NEGR1: variants seen among roughly 807,000 people sequenced by gnomAD.
NEGR1 encodes neuronal growth regulator 1.
Under a neutral mutation model 40.9 loss-of-function variants are expected in NEGR1, and 10 were observed. The ratio of observed to expected loss-of-function variants is 0.24; its 90% CI spans 0.15 to 0.42. NEGR1 has a LOEUF of 0.42. Among genes scored for constraint, NEGR1 ranks in the 10% least tolerant of loss-of-function variants. The pLI, the probability that NEGR1 is intolerant of heterozygous loss-of-function variation, is 1.00. For missense variants in NEGR1, 352 were observed against 438.9 expected (o/e 0.80, Z 1.77); for synonymous variants, 185 against 166.8 (o/e 1.11, Z -0.84).
At chr1:71,460,538 A>G (rs911492978) in intron 6 of NEGR1, among the ~76,000 whole-genome samples, 7 of 152,212 alleles carry the variant, frequency 4.6e-5, no homozygotes, top group Admixed American at 2.0e-4. Context: ...GGATCTTAAA[A>G]ACTGCATCTA....
At chr1:72,158,795 A>G (rs2100369147) in intron 1 of NEGR1, among the ~76,000 whole-genome samples, 1 of 152,312 alleles carries the variant, frequency 6.6e-6, no homozygotes, top group Non-Finnish European at 1.5e-5. Context: ...AGCATATCTT[A>G]GTTGATCTAG....
At chr1:71,673,936 C>A in intron 4 of NEGR1, among the ~76,000 whole-genome samples, 1 of 152,016 alleles carries the variant, frequency 6.6e-6, no homozygotes, top group African/African-American at 2.4e-5. Flanking sequence ...TGTTAGAAAA[C>A]ATTTTTGTAC....
intron 5 of NEGR1, among the ~76,000 whole-genome samples, chr1:71,609,369 G>A (rs77197666): frequency 3.3e-5 from 5 of 150,850 alleles, no homozygotes; most frequent in African/African-American, 4.9e-5. Context: ...CAAAAAATAA[G>A]CCGGGCGTGG....
intron 3 of NEGR1, among the ~76,000 whole-genome samples, chr1:71,768,578 CAG>C (rs1656210559): frequency 6.6e-6 from 1 of 152,260 alleles, no homozygotes; most frequent in African/African-American, 2.4e-5. Flanking sequence ...TGTCTTGTCT[CAG>C]ATGAAACTTT....
intron 1 of NEGR1, among the ~76,000 whole-genome samples, chr1:72,174,329 T>C (rs554929429): frequency 6.6e-6 from 1 of 152,292 alleles, no homozygotes; most frequent in East Asian, 1.9e-4. Flanking sequence ...GAACCTACAT[T>C]GACCTACGGT....
intron 2 of NEGR1, among the ~76,000 whole-genome samples, chr1:71,796,995 CATTAAAT>C (rs1419194900): frequency 6.6e-6 from 1 of 152,052 alleles, no homozygotes; most frequent in Admixed American, 6.6e-5. Flanking sequence ...AATTGAAACT[CATTAAAT>C]ATTTGCAGAT....
chr1:72,077,155 A>C (rs896180398), intron 1 of NEGR1, among the ~76,000 whole-genome samples: 1 of 151,870 alleles, frequency 6.6e-6, no homozygotes, highest in African/African-American at 2.4e-5. Flanking sequence ...CGGCCTCCCA[A>C]AGTGCTGGGA....
chr1:72,221,926 C>T (rs922350034), intron 1 of NEGR1, among the ~76,000 whole-genome samples: 1 of 152,084 alleles, frequency 6.6e-6, no homozygotes, highest in South Asian at 2.1e-4. Flanking sequence ...AAGCCAAGAC[C>T]CACAGATATA....
chr1:71,507,586 G>A (rs1461397819), intron 6 of NEGR1, among the ~76,000 whole-genome samples: 1 of 152,102 alleles, frequency 6.6e-6, no homozygotes, highest in African/African-American at 2.4e-5. Context: ...CTATTTCAAA[G>A]CATTCAAGTA....
At chr1:72,038,824 A>G (rs1014168772) in intron 1 of NEGR1, among the ~76,000 whole-genome samples, 1 of 152,030 alleles carries the variant, frequency 6.6e-6, no homozygotes, top group Admixed American at 6.6e-5. Context: ...TACTGAGTAT[A>G]AGACACTGAT....
At chr1:71,577,516 C>T (rs955222590) in intron 6 of NEGR1, among the ~76,000 whole-genome samples, 1 of 152,124 alleles carries the variant, frequency 6.6e-6, no homozygotes, top group Non-Finnish European at 1.5e-5. Flanking sequence ...GGGTTGGTTA[C>T]AATCAATACA....
At chr1:71,683,111 G>C (rs1211977804) in intron 4 of NEGR1, among the ~76,000 whole-genome samples, 1 of 152,134 alleles carries the variant, frequency 6.6e-6, no homozygotes, top group Non-Finnish European at 1.5e-5. Flanking sequence ...GTAAGTTGAG[G>C]TTATAGGTTT....
chr1:72,145,430 A>T (rs1191338000), intron 1 of NEGR1, among the ~76,000 whole-genome samples: 1 of 152,186 alleles, frequency 6.6e-6, no homozygotes, highest in Non-Finnish European at 1.5e-5. Flanking sequence ...TAAATGTAAT[A>T]GCAGAAAATA....
chr1:71,805,748 T>A (rs114835083), intron 2 of NEGR1, among the ~76,000 whole-genome samples: 1 of 152,200 alleles, frequency 6.6e-6, no homozygotes, highest in African/African-American at 2.4e-5. Context: ...TAGCAAAGAA[T>A]TGAAATGCAT....
intron 2 of NEGR1, among the ~76,000 whole-genome samples, chr1:71,799,013 G>A (rs755638117): frequency 1.3e-5 from 2 of 151,204 alleles, no homozygotes; most frequent in South Asian, 4.2e-4. Context: ...TGAGCCTTTT[G>A]AGGGTAGGGG....
chr1:72,037,207 A>T (rs1646911051), intron 1 of NEGR1, among the ~76,000 whole-genome samples: 2 of 152,172 alleles, frequency 1.3e-5, no homozygotes. Context: ...TGTACTATAG[A>T]TTTCAAAGAG....
At chr1:71,526,602 AG>A (rs1296499357) in intron 6 of NEGR1, among the ~76,000 whole-genome samples, 1 of 151,456 alleles carries the variant, frequency 6.6e-6, no homozygotes, top group Non-Finnish European at 1.5e-5. Context: ...CAAATCAACA[AG>A]TAAGCCCTGA....
intron 1 of NEGR1, among the ~76,000 whole-genome samples, chr1:72,003,262 C>T (rs1308605125): frequency 2.0e-5 from 3 of 151,658 alleles, no homozygotes; most frequent in African/African-American, 7.3e-5. Flanking sequence ...GGCCGTTCTG[C>T]TCTGGTGGTA....
chr1:71,988,923 TAAAAAAAA>T lies in NEGR1; in HGVS notation c.177-53620_177-53613del, dbSNP rs10604833. Among the ~76,000 whole-genome samples the T allele has an allele frequency of 3.6e-4, 30 of 82,230 alleles. 1 individual carries two copies. Among genetic ancestry groups the T allele is most frequent in the Admixed American group, 1.3e-3 (9 of 6,870 alleles). The allele number at this position is 82,230 out of a possible 152,430, so 53.9% of individuals were successfully genotyped here. Reference sequence around the variant, plus strand: ...CAATGAGCTCTATCATATTGGATGTTAAAAAAAAAAAAAAAAAAAAAAAAAGGCTTTCT... The same window carrying T: ...CAATGAGCTCTATCATATTGGATGTTAAAAAAAAAAAAAAAAAGGCTTTCT... On this transcript the variant is annotated intron_variant, in intron 1 of 6. Transcript: ENST00000357731.
Sources: allele counts gnomAD v4.1 joint callset (sites outside exome capture counted in the v4.1 genomes callset), GRCh38; gene constraint gnomAD v4.1.1; transcripts MANE v1.5; gene names NCBI Gene and HGNC (gene_info 2026-07-23, HGNC 2026-07-21).